RALGAPA1: variants seen among roughly 807,000 people sequenced by gnomAD.
RALGAPA1 encodes the protein Ral GTPase activating protein catalytic subunit alpha 1.
RALGAPA1 carries 52 observed loss-of-function variants against 269.6 expected under a neutral mutation model. The ratio of observed to expected loss-of-function variants is 0.19; its 90% CI spans 0.15 to 0.24. The LOEUF is 0.24. Ranked by LOEUF, RALGAPA1 falls within the 10% of genes least tolerant of loss-of-function variation. The probability of loss-of-function intolerance (pLI) is 1.00; values close to 1 mark genes in which losing one functional copy is unlikely to be tolerated. For synonymous variants in RALGAPA1, 817 were observed against 1,008.3 expected, an observed-to-expected ratio of 0.81 and a Z score of 3.60; for missense variants, 1,917 against 3,013.9, an observed-to-expected ratio of 0.64 and a Z score of 8.52.
At chr14:35,662,367 T>G (rs2140135978) in intron 27 of RALGAPA1, among the ~76,000 whole-genome samples, 1 of 152,308 alleles carries the variant, frequency 6.6e-6, no homozygotes, top group Non-Finnish European at 1.5e-5. Flanking sequence ...GGCTGTAGTT[T>G]ATAGAGTATA....
chr14:35,570,524 G>T, intron 39 of RALGAPA1, 93 bp downstream of exon 39: 2 of 1,025,964 alleles, frequency 1.9e-6, no homozygotes, highest in Non-Finnish European at 2.7e-6. Context: ...AAAAACCCTA[G>T]AAAATAAAAG....
In RALGAPA1 at chr14:35,748,880, T is replaced by A. The variant is rs925497436; in HGVS notation, c.1012-56A>T. The A allele has an allele frequency of 2.7e-6, 4 of 1,505,740 alleles. No homozygotes were observed. In the Admixed American group the frequency reaches 9.3e-5, roughly 35 times the overall value. 93.3% of individuals were successfully genotyped at this position (1,505,740 alleles called of 1,614,324 possible). A position where few individuals can be genotyped will look rare whatever the true frequency, so the allele number is the denominator to read the frequency against. On this transcript the variant is annotated intron_variant, in intron 9 of 41. Transcript: ENST00000680220. The stretch of plus-strand genomic sequence containing the variant: ...AAACAATATCATAATCATTTAACTA[T>A]GTATTTTGTCTTTTAATAGGTAATA...
intron 32 of RALGAPA1, 129 bp from the exon 33 acceptor site, chr14:35,634,886 G>T: frequency 1.1e-6 from 1 of 914,510 alleles, no homozygotes; most frequent in Non-Finnish European, 1.5e-6. Context: ...AAAACATCAG[G>T]CCTGGCACAG....
intron 1 of RALGAPA1, among the ~76,000 whole-genome samples, chr14:35,796,261 A>C (rs1233357749): frequency 6.6e-6 from 1 of 152,218 alleles, no homozygotes; most frequent in Non-Finnish European, 1.5e-5. Flanking sequence ...ACTAGATAGA[A>C]TGGCAGATTA....
chr14:35,600,232 CT>C (rs71124708), intron 36 of RALGAPA1, among the ~76,000 whole-genome samples: 64 of 86,940 alleles, frequency 7.4e-4, no homozygotes, highest in Non-Finnish European at 1.0e-3. Flanking sequence ...TTCTTTTTTT[CT>C]TTTTTTTTTT....
chr14:35,539,610 G>C lies in RALGAPA1; in HGVS notation c.*104C>G. ...GACATGCGGCTTTTGCTAGTTCGAGGAGACATTGGAGAGGCCAGGTCAGCC... is the reference window on the plus strand; with the variant it reads ...GACATGCGGCTTTTGCTAGTTCGAGCAGACATTGGAGAGGCCAGGTCAGCC... On this transcript the variant is annotated 3_prime_UTR_variant, in exon 42 of 42. Transcript: ENST00000680220. The C allele has an allele frequency of 6.2e-7, 1 of 1,614,070 alleles. No individual in the cohort carries two copies. The highest frequency in any genetic ancestry group is 8.5e-7 in the Non-Finnish European group (1 of 1,180,034).
chr14:35,628,003 C>G (rs757958408), intron 33 of RALGAPA1, 52 bp from the exon 34 acceptor site: 5 of 1,494,076 alleles, frequency 3.3e-6, no homozygotes, highest in Non-Finnish European at 3.6e-6. Flanking sequence ...CCTAGGGAAT[C>G]ATATGACAAT....
At chr14:35,643,394 G>A (rs909671732) in intron 31 of RALGAPA1, among the ~76,000 whole-genome samples, 10 of 152,110 alleles carry the variant, frequency 6.6e-5, no homozygotes, top group Admixed American at 5.9e-4. Flanking sequence ...AAATGCTGGC[G>A]AGGATGTGGA....
chr14:35,677,645 C>A (rs2065062102), intron 22 of RALGAPA1: 2 of 275,178 alleles, frequency 7.3e-6, no homozygotes, highest in South Asian at 4.1e-5. Context: ...AATAAGGATG[C>A]CAAATTATGT....
At chr14:35,793,771 A>T (rs2076363964) in intron 1 of RALGAPA1, among the ~76,000 whole-genome samples, 1 of 152,248 alleles carries the variant, frequency 6.6e-6, no homozygotes, top group African/African-American at 2.4e-5. Context: ...TTATGGCTGT[A>T]ATCAGCTCAT....
intron 36 of RALGAPA1, among the ~76,000 whole-genome samples, chr14:35,597,726 G>A (rs547881165): frequency 9.9e-5 from 15 of 151,974 alleles, no homozygotes; most frequent in Non-Finnish European, 2.1e-4. Flanking sequence ...TTAACCCCTG[G>A]CAATCACTCA....
At position 35,748,833 on chromosome 14, in the gene RALGAPA1, CAAAAA is replaced by C. The variant is rs56861116; in HGVS notation, c.1012-14_1012-10del. ...AAACTAGCAGCTGCTCTCTAAAATA[CAAAAA>C]AAAAAAAAAAAGAGAGAAACAATAT... On this transcript the variant is annotated splice_polypyrimidine_tract_variant and intron_variant, in intron 9 of 41. Coordinates refer to ENST00000680220, the MANE Select transcript of RALGAPA1 (RefSeq NM_001346249.2). The C allele has an allele frequency of 5.5e-5, 71 of 1,300,456 alleles. No homozygotes were observed. The African/African-American group carries it at 5.5e-4, about 10-fold the overall frequency. The allele number at this position is 1,300,456 out of a possible 1,614,324, so 80.6% of individuals were successfully genotyped here. A position where few individuals can be genotyped will look rare whatever the true frequency, so the allele number is the denominator to read the frequency against.
chr14:35,617,164 T>A lies in RALGAPA1; in HGVS notation c.6929+8197A>T, dbSNP rs1172920139. On this transcript the variant is annotated intron_variant, in intron 35 of 41. Transcript: ENST00000680220. Reference sequence around the variant, plus strand: ...AGGTAAAGCTTTCCATATAAAGTGATGTTTAAGCTGAGACTTCAGGAGTGG... The same window carrying A: ...AGGTAAAGCTTTCCATATAAAGTGAAGTTTAAGCTGAGACTTCAGGAGTGG... 3.9e-5 allele frequency among the ~76,000 whole-genome samples: 6 copies of A among 152,248 alleles called. No individual in the cohort carries two copies. In the East Asian group the frequency reaches 1.2e-3, roughly 29 times the overall value.
chr14:35,596,012 C>T (rs2058911026), intron 36 of RALGAPA1, among the ~76,000 whole-genome samples: 1 of 152,024 alleles, frequency 6.6e-6, no homozygotes, highest in Admixed American at 6.6e-5. Context: ...AAGGTATCAA[C>T]TGCTGTGTAC....
chr14:35,670,388 T>C (rs941663358), intron 26 of RALGAPA1, among the ~76,000 whole-genome samples: 2 of 152,220 alleles, frequency 1.3e-5, no homozygotes, highest in African/African-American at 2.4e-5. Flanking sequence ...TTATTTTTCA[T>C]TTACACTTTG....
chr14:35,721,740 A>T lies in RALGAPA1; in HGVS notation c.2214T>A (p.Thr738=), dbSNP rs750303565. Residue 738 remains threonine (T), a synonymous_variant, in exon 16 of 42, where the codon ACT becomes ACA. Transcript: ENST00000680220. The stretch of plus-strand genomic sequence containing the variant: ...TCGCCTTTTCGGTTCCTGGAGAACC[A>T]GTGGTTGTTGCACTCCTCTGTCTCA... ...APMRQRSATT[T]GSPGTEKARS... 1 of 1,613,044 alleles carries T rather than the reference A, an allele frequency of 6.2e-7. No individual in the cohort carries two copies. The highest frequency in any genetic ancestry group is 8.5e-7 in the Non-Finnish European group (1 of 1,179,332).
At chr14:35,752,619 A>T (rs989569420) in intron 7 of RALGAPA1, among the ~76,000 whole-genome samples, 17 of 152,148 alleles carry the variant, frequency 1.1e-4, no homozygotes, top group Non-Finnish European at 2.2e-4. Flanking sequence ...TCACAGTCTG[A>T]GAGGAGTGAG....
intron 5 of RALGAPA1, among the ~76,000 whole-genome samples, chr14:35,761,807 C>G (rs900544237): frequency 6.6e-6 from 1 of 152,152 alleles, no homozygotes; most frequent in Non-Finnish European, 1.5e-5. Context: ...TGTTCATGGC[C>G]ACTGTCAAAG....
At chr14:35,742,978 T>C (rs2141170668) in intron 10 of RALGAPA1, among the ~76,000 whole-genome samples, 1 of 152,278 alleles carries the variant, frequency 6.6e-6, no homozygotes. Context: ...CTGGACAGGA[T>C]GCCATTCCAT....
Sources: allele counts gnomAD v4.1 joint callset (sites outside exome capture counted in the v4.1 genomes callset), GRCh38; gene constraint gnomAD v4.1.1; transcripts MANE v1.5; gene names NCBI Gene and HGNC (gene_info 2026-07-23, HGNC 2026-07-21).